The following NOL7 variants were observed in gnomAD, a reference collection of about 807,000 sequenced individuals.
NOL7 encodes the protein nucleolar protein 7.
Under a neutral mutation model 38.4 loss-of-function variants are expected in NOL7, and 36 were observed. The observed-to-expected ratio is 0.94, with a 90% CI of 0.72 to 1.24. The LOEUF is 1.24. NOL7 is among the 50% of genes most tolerant of loss of function. The probability of loss-of-function intolerance (pLI) is 0.00; values close to 1 mark genes in which losing one functional copy is unlikely to be tolerated. For missense variants in NOL7, 350 were observed against 315.1 expected (o/e 1.11, Z -0.84); for synonymous variants, 142 against 126.5 (o/e 1.12, Z -0.82).
chr6:13,629,222 T>A (rs538977145), intron 8 of NOL7, among the ~76,000 whole-genome samples: 1 of 152,318 alleles, frequency 6.6e-6, no homozygotes, highest in East Asian at 1.9e-4. Context: ...GCAATCCTCC[T>A]GCCTCAGCCT....
chr6:13,620,095 A>G, intron 5 of NOL7, 113 bp from the exon 6 acceptor site: 1 of 1,168,282 alleles, frequency 8.6e-7, no homozygotes, highest in Non-Finnish European at 1.2e-6. Flanking sequence ...CAGAAGTTGC[A>G]GTGAGCTGAG....
chr6:13,617,626 A>C, intron 3 of NOL7, 144 bp from the exon 4 acceptor site: 1 of 706,364 alleles, frequency 1.4e-6, no homozygotes, highest in South Asian at 1.8e-5. Flanking sequence ...TTGCTTTCCA[A>C]ACTGATGAGA....
At chr6:13,629,342 C>G (rs1764711611) in intron 8 of NOL7, among the ~76,000 whole-genome samples, 2 of 152,024 alleles carry the variant, frequency 1.3e-5, no homozygotes, top group Admixed American at 6.5e-5. Flanking sequence ...ATTCTTATGA[C>G]AAAACAGAAT....
Position 13,620,246 on chromosome 6 carries a change from A to C in NOL7, c.539A>C (p.Gln180Pro). The C allele has an allele frequency of 1.2e-6, 2 of 1,614,170 alleles. No individual in the cohort carries two copies. Among genetic ancestry groups the C allele is most frequent in the Admixed American group, 3.3e-5 (2 of 60,016 alleles). The change falls in exon 6 of 8, where the codon CAA becomes CCA. Residue 180 changes from glutamine (Q) to proline (P), a missense_variant. Physicochemically the swap from Gln to Pro is moderately conservative, Grantham distance 76 (BLOSUM62 -1). Coordinates refer to ENST00000451315, the MANE Select transcript of NOL7 (RefSeq NM_016167.5). ...KSYLAVRLKD[Q>P]DLRDSRQQAA... ...TACTTGGCCGTAAGGCTAAAAGACC[A>C]AGATCTGAGAGATTCAAGGCAACAA...
chr6:13,616,293 G>C (rs1424870155), intron 2 of NOL7, among the ~76,000 whole-genome samples, 170 bp from the exon 3 acceptor site: 1 of 152,184 alleles, frequency 6.6e-6, no homozygotes, highest in East Asian at 1.9e-4. Flanking sequence ...AGAATGTGGA[G>C]TTTTGTGGAC....
intron 8 of NOL7, among the ~76,000 whole-genome samples, chr6:13,629,061 C>G (rs1343654962): frequency 1.3e-5 from 2 of 152,198 alleles, no homozygotes; most frequent in Admixed American, 1.3e-4. Flanking sequence ...AAAAATCCAA[C>G]AACAGAGCAA....
In NOL7 at chr6:13,615,777, G is replaced by T. The variant is rs145870298; in HGVS notation, c.327+5G>T. On this transcript the variant is annotated splice_donor_5th_base_variant and intron_variant, in intron 2 of 7. Coordinates refer to ENST00000451315, the MANE Select transcript of NOL7 (RefSeq NM_016167.5). ...GAGCTGTTCATCGAACAGAAGGTTA[G>T]AGGCTAGGGAGGAGGTGTCTTATTA... The T allele has an allele frequency of 6.2e-4, 995 of 1,607,230 alleles. 4 individuals are homozygous for T. In the African/African-American group the frequency reaches 0.012, roughly 19 times the overall value.
intron 5 of NOL7, 37 bp from the exon 6 acceptor site, chr6:13,620,171 G>A: frequency 6.3e-7 from 1 of 1,583,538 alleles, no homozygotes; most frequent in Non-Finnish European, 8.5e-7. Context: ...AAGTAAGCAT[G>A]TGTAATTCTT....
downstream of NOL7, among the ~76,000 whole-genome samples, chr6:13,623,474 GT>G (rs1213612170): frequency 6.6e-6 from 1 of 152,130 alleles, no homozygotes; most frequent in African/African-American, 2.4e-5. Context: ...GGACTTAAAG[GT>G]AGAAGAGAAA....
chr6:13,626,645 T>C (rs1764613510), downstream of NOL7, among the ~76,000 whole-genome samples: 1 of 152,168 alleles, frequency 6.6e-6, no homozygotes, highest in Non-Finnish European at 1.5e-5. Flanking sequence ...AATAGAGAAA[T>C]TCAGAACACT....
chr6:13,615,807 A>T (rs775809089), intron 2 of NOL7, 35 bp downstream of exon 2: 4 of 1,585,570 alleles, frequency 2.5e-6, no homozygotes, highest in Non-Finnish European at 3.4e-6. Context: ...TTATTAAAAC[A>T]ACTCGGCTCA....
At chr6:13,616,684 ACTT>A (rs1255770461) in intron 3 of NOL7, among the ~76,000 whole-genome samples, 163 bp downstream of exon 3, 1 of 152,208 alleles carries the variant, frequency 6.6e-6, no homozygotes, top group Non-Finnish European at 1.5e-5. Flanking sequence ...GTAACGTTCT[ACTT>A]CTTATTTTAC....
downstream of NOL7, among the ~76,000 whole-genome samples, chr6:13,622,858 CTA>C (rs558286184): frequency 6.6e-6 from 1 of 152,172 alleles, no homozygotes; most frequent in Non-Finnish European, 1.5e-5. Context: ...TTGATACTAA[CTA>C]AAACTAAAAA....
At chr6:13,617,638 C>T in intron 3 of NOL7, 132 bp from the exon 4 acceptor site, 1 of 759,984 alleles carries the variant, frequency 1.3e-6, no homozygotes, top group East Asian at 2.7e-5. Context: ...CTGATGAGAG[C>T]TCCTGAGTAG....
intron 7 of NOL7, 120 bp downstream of exon 7, chr6:13,620,605 T>C (rs1432806742): frequency 2.8e-5 from 31 of 1,121,694 alleles, no homozygotes; most frequent in Non-Finnish European, 3.8e-5. Context: ...ATTAAGTTAC[T>C]TGTGAAAAAC....
intron 5 of NOL7, among the ~76,000 whole-genome samples, chr6:13,619,992 T>C (rs1584901233): frequency 1.3e-5 from 2 of 152,184 alleles, no homozygotes; most frequent in East Asian, 3.9e-4. Flanking sequence ...CCGTCTCTAC[T>C]GAAAATAAAA....
chr6:13,625,702 G>A (rs1490783553), downstream of NOL7: 6 of 1,613,378 alleles, frequency 3.7e-6, no homozygotes, highest in South Asian at 5.5e-5. Context: ...TCTGAATCGG[G>A]TCAAGCTGAT....
intron 8 of NOL7, among the ~76,000 whole-genome samples, chr6:13,632,188 CCAGTAGAT>C (rs1311471710): frequency 9.4e-6 from 1 of 106,560 alleles, no homozygotes; most frequent in East Asian, 3.3e-4. Context: ...AATGCTCTTT[CCAGTAGAT>C]CAGAACTGCC....
At chr6:13,631,086 G>A (rs1488460170) in intron 8 of NOL7, among the ~76,000 whole-genome samples, 3 of 152,158 alleles carry the variant, frequency 2.0e-5, no homozygotes, top group Non-Finnish European at 4.4e-5. Flanking sequence ...GGGAATACAG[G>A]TGTGAGCCAC....
Sources: gnomAD v4.1 joint callset for allele counts (sites outside exome capture counted in the v4.1 genomes callset) on GRCh38, gnomAD v4.1.1 for gene constraint, MANE v1.5 for transcripts, NCBI Gene and HGNC (gene_info 2026-07-23, HGNC 2026-07-21) for gene names.